The following PCP4 variants were observed in gnomAD, a reference collection of about 807,000 sequenced individuals.
PCP4 encodes calmodulin regulator protein PCP4.
Under a neutral mutation model 10.0 loss-of-function variants are expected in PCP4, and 8 were observed. The ratio of observed to expected loss-of-function variants is 0.80; its 90% CI spans 0.47 to 1.45. The LOEUF (loss-of-function observed/expected upper bound fraction) is 1.45. PCP4 is among the 40% of genes most tolerant of loss of function. PCP4 has a pLI of 0.00. For missense variants in PCP4, 54 were observed against 74.4 expected, an observed-to-expected ratio of 0.73 and a Z score of 1.01; for synonymous variants, 21 against 23.0, an observed-to-expected ratio of 0.91 and a Z score of 0.24.
intron 2 of PCP4, among the ~76,000 whole-genome samples, chr21:39,905,344 T>C (rs2299761): frequency 0.059 from 8,923 of 152,254 alleles, 306 homozygotes; most frequent in South Asian, 0.096. Context: ...GTTTCTATTC[T>C]GGAAGGAAGA....
chr21:39,920,125 G>T (rs2087588733), intron 2 of PCP4, among the ~76,000 whole-genome samples: 1 of 144,246 alleles, frequency 6.9e-6, no homozygotes, highest in African/African-American at 2.6e-5. Flanking sequence ...TGGGGTGTTT[G>T]TGTGTGTGGT....
intron 1 of PCP4, among the ~76,000 whole-genome samples, chr21:39,877,601 A>G (rs1435780899): frequency 1.3e-5 from 2 of 151,634 alleles, no homozygotes; most frequent in Non-Finnish European, 2.9e-5. Context: ...GGAGGCTGAG[A>G]TGGGTGGATG....
intron 1 of PCP4, among the ~76,000 whole-genome samples, chr21:39,874,562 T>G (rs2087335538): frequency 6.6e-6 from 1 of 151,912 alleles, no homozygotes; most frequent in African/African-American, 2.4e-5. Flanking sequence ...ACAAGACCCA[T>G]TAACATGTGT....
intron 2 of PCP4, among the ~76,000 whole-genome samples, chr21:39,905,132 C>T (rs971958265): frequency 1.3e-5 from 2 of 152,214 alleles, no homozygotes; most frequent in African/African-American, 4.8e-5. Flanking sequence ...GCAAGTGCTG[C>T]TGTGAATACC....
At chr21:39,920,200 C>T (rs750792828) in intron 2 of PCP4, among the ~76,000 whole-genome samples, 6 of 110,768 alleles carry the variant, frequency 5.4e-5, no homozygotes, top group East Asian at 3.0e-4. Flanking sequence ...GTGTGTGATA[C>T]GATATGTGTG....
chr21:39,868,198 C>T (rs1466753537), intron 1 of PCP4, among the ~76,000 whole-genome samples: 1 of 152,204 alleles, frequency 6.6e-6, no homozygotes, highest in African/African-American at 2.4e-5. Flanking sequence ...ATCATCTTCT[C>T]CTTTTTTCTC....
chr21:39,884,800 A>AAGAGAGAGAGAG (rs3988433), intron 1 of PCP4, among the ~76,000 whole-genome samples: 167 of 149,110 alleles, frequency 1.1e-3, no homozygotes, highest in African/African-American at 3.9e-3. Flanking sequence ...CCGTCTTAAA[A>AAGAGAGAGAGAG]AGAGAGAGAG....
At chr21:39,924,316 TC>T (rs1320160162) in intron 2 of PCP4, among the ~76,000 whole-genome samples, 4 of 152,288 alleles carry the variant, frequency 2.6e-5, no homozygotes, top group Middle Eastern at 3.4e-3. Flanking sequence ...GCTTTTGTTT[TC>T]CAGATGAGAA....
At chr21:39,881,006 T>G (rs2087373086) in intron 1 of PCP4, among the ~76,000 whole-genome samples, 1 of 152,192 alleles carries the variant, frequency 6.6e-6, no homozygotes, top group Non-Finnish European at 1.5e-5. Context: ...GGTGGTCGTG[T>G]GTGCATTTTA....
At chr21:39,869,713 T>A (rs999737049) in intron 1 of PCP4, among the ~76,000 whole-genome samples, 9 of 152,240 alleles carry the variant, frequency 5.9e-5, no homozygotes, top group African/African-American at 2.2e-4. Context: ...TTAAAATCTT[T>A]AGTAAAGTGC....
intron 2 of PCP4, among the ~76,000 whole-genome samples, chr21:39,918,832 A>G (rs1036382641): frequency 6.6e-6 from 1 of 152,160 alleles, no homozygotes; most frequent in Non-Finnish European, 1.5e-5. Context: ...CAAGCTGCAG[A>G]GGGATTGCAA....
chr21:39,928,781 T>C (rs1223189925), intron 2 of PCP4, among the ~76,000 whole-genome samples: 1 of 152,158 alleles, frequency 6.6e-6, no homozygotes, highest in African/African-American at 2.4e-5. Flanking sequence ...AGTTTCATTG[T>C]CCTGCTCAGG....
chr21:39,929,067 C>G lies in PCP4; in HGVS notation c.145C>G (p.Gln49Glu). 1 of 1,613,680 alleles carries G rather than the reference C, an allele frequency of 6.2e-7. No homozygotes were observed. Among genetic ancestry groups the G allele is most frequent in the South Asian group, 1.1e-5 (1 of 91,026 alleles). Reference protein sequence around the residue: ...TERAAVAIQSQFRKFQKKKAG... With the variant: ...TERAAVAIQSEFRKFQKKKAG... Reference sequence around the variant, plus strand: ...ACGTGCAGCGGTGGCCATTCAGTCTCAGTTCAGAAAATTCCAGAAGAAGAA... The same window carrying G: ...ACGTGCAGCGGTGGCCATTCAGTCTGAGTTCAGAAAATTCCAGAAGAAGAA... The change falls in exon 3 of 3, where the codon CAG (glutamine) becomes GAG (glutamate). Residue 49 changes from glutamine to glutamate, a missense_variant. By Grantham distance (29) the Gln-to-Glu change is conservative. Coordinates refer to ENST00000328619, the MANE Select transcript of PCP4 (RefSeq NM_006198.3).
chr21:39,923,107 G>A (rs1021628197), intron 2 of PCP4, among the ~76,000 whole-genome samples: 4 of 152,160 alleles, frequency 2.6e-5, no homozygotes, highest in Non-Finnish European at 5.9e-5. Context: ...CAGGACCTGC[G>A]GCAAATACAA....
At chr21:39,913,262 T>C (rs2087549799) in intron 2 of PCP4, among the ~76,000 whole-genome samples, 1 of 151,818 alleles carries the variant, frequency 6.6e-6, no homozygotes, top group African/African-American at 2.4e-5. Context: ...AAAAAGCAAA[T>C]AGAAGTGCTA....
intron 2 of PCP4, among the ~76,000 whole-genome samples, chr21:39,901,803 A>T (rs1411836917): frequency 6.6e-6 from 1 of 152,220 alleles, no homozygotes; most frequent in Non-Finnish European, 1.5e-5. Flanking sequence ...AATTTCAGCT[A>T]AAACTGCCTA....
At chr21:39,886,063 G>A (rs921322787) in intron 1 of PCP4, among the ~76,000 whole-genome samples, 12 of 152,238 alleles carry the variant, frequency 7.9e-5, no homozygotes, top group African/African-American at 2.9e-4. Flanking sequence ...CTTTTAATAA[G>A]GACACAGTCC....
chr21:39,927,324 TC>T (rs2087628050), intron 2 of PCP4, among the ~76,000 whole-genome samples: 1 of 38,436 alleles, frequency 2.6e-5, no homozygotes, highest in Non-Finnish European at 6.4e-5. Flanking sequence ...CTATCTATCA[TC>T]TATCTATCTA....
intron 1 of PCP4, among the ~76,000 whole-genome samples, chr21:39,867,940 G>A (rs372473203): frequency 4.6e-5 from 7 of 152,198 alleles, no homozygotes; most frequent in South Asian, 4.1e-4. Flanking sequence ...AGGGCTGGCC[G>A]TTGGGTGGCA....
Sources: allele counts gnomAD v4.1 joint callset (sites outside exome capture counted in the v4.1 genomes callset), GRCh38; gene constraint gnomAD v4.1.1; transcripts MANE v1.5; gene names NCBI Gene and HGNC (gene_info 2026-07-23, HGNC 2026-07-21).